The following TP53BP2 variants were observed in gnomAD, a reference collection of about 807,000 sequenced individuals.
The protein encoded by TP53BP2 is tumor protein p53 binding protein 2.
TP53BP2 carries 62 observed loss-of-function variants against 126.2 expected under a neutral mutation model. The ratio of observed to expected loss-of-function variants is 0.49; its 90% CI spans 0.40 to 0.61. The LOEUF (loss-of-function observed/expected upper bound fraction) is 0.61, where lower values mean the gene tolerates loss of function less well. TP53BP2 is among the 20% of genes least tolerant of loss of function. TP53BP2 has a pLI of 0.00. For synonymous variants in TP53BP2, 485 were observed against 502.9 expected (o/e 0.96, Z 0.48); for missense variants, 1,215 against 1,402.8 (o/e 0.87, Z 2.14).
intron 15 of TP53BP2, among the ~76,000 whole-genome samples, chr1:223,790,728 C>G (rs1225273574): frequency 6.6e-6 from 1 of 151,698 alleles, no homozygotes; most frequent in African/African-American, 2.4e-5. Flanking sequence ...CTCAGCCTCC[C>G]CGGTAGCTGG....
intron 13 of TP53BP2, among the ~76,000 whole-genome samples, chr1:223,794,669 A>G (rs948331242): frequency 1.5e-4 from 23 of 152,254 alleles, no homozygotes; most frequent in African/African-American, 5.3e-4. Flanking sequence ...GTTTTGGCCA[A>G]TGTGGAATAA....
chr1:223,798,080 AAAG>A, intron 12 of TP53BP2, 132 bp downstream of exon 12: 1 of 821,208 alleles, frequency 1.2e-6, no homozygotes, highest in Non-Finnish European at 1.9e-6. Context: ...AACTCCCAGT[AAAG>A]AACAGAAGCC....
At chr1:223,829,326 T>G (rs1663615217) in intron 1 of TP53BP2, among the ~76,000 whole-genome samples, 1 of 152,122 alleles carries the variant, frequency 6.6e-6, no homozygotes, top group South Asian at 2.1e-4. Flanking sequence ...ATATATATTT[T>G]TATATGTTTA....
At chr1:223,799,764 G>T in intron 11 of TP53BP2, 135 bp downstream of exon 11, 1 of 783,894 alleles carries the variant, frequency 1.3e-6, no homozygotes, top group Non-Finnish European at 1.8e-6. Flanking sequence ...TAAAATAACA[G>T]AATGCTAATG....
Position 223,814,235 on chromosome 1 carries a change from C to T in TP53BP2, c.289+5G>A, listed in dbSNP as rs1663007779. 4 of 1,607,116 alleles carry T rather than the reference C, an allele frequency of 2.5e-6. No individual in the cohort carries two copies. The highest frequency in any genetic ancestry group is 1.1e-5 in the South Asian group (1 of 90,916). ...ATCTGTCACGATTCACAGAGCACTA[C>T]CTACCAATGTCCCTGCCAGGGGGGC... On this transcript the variant is annotated splice_donor_5th_base_variant and intron_variant, in intron 3 of 17. Coordinates refer to ENST00000343537, the MANE Select transcript of TP53BP2 (RefSeq NM_001031685.3).
At chr1:223,780,924 C>A in intron 17 of TP53BP2, 30 bp from the exon 18 acceptor site, 3 of 1,595,980 alleles carry the variant, frequency 1.9e-6, no homozygotes, top group Non-Finnish European at 2.6e-6. Context: ...ATTTTACATA[C>A]TATAATAGAT....
chr1:223,786,581 C>CGTGT (rs61533251), intron 16 of TP53BP2, among the ~76,000 whole-genome samples: 4,957 of 144,514 alleles, frequency 0.034, 172 homozygotes, highest in African/African-American at 0.086. Flanking sequence ...TGCGTGTGTG[C>CGTGT]GTGTGTGTGT....
At position 223,792,423 on chromosome 1, in the gene TP53BP2, CA is replaced by C. The variant is rs756123892; in HGVS notation, c.2961del (p.Phe987LeufsTer3). On this transcript the variant is annotated frameshift_variant, in exon 15 of 18. Coordinates refer to ENST00000343537, the MANE Select transcript of TP53BP2 (RefSeq NM_001031685.3). LOFTEE classifies it high-confidence loss of function. ...CTATCAGCAGCATTTACATTTACAC[CA>C]AACTGTACCAGGAACTTAACGATTT... Reference protein sequence around the residue: ...HTEIVKFLVQFGVNVNAADSD... With the variant: ...HTEIVKFLVQXGVNVNAADSD... 3 of 1,612,872 alleles carry C rather than the reference CA, an allele frequency of 1.9e-6. No homozygotes were observed. In the South Asian group the frequency reaches 3.3e-5, roughly 18 times the overall value.
At chr1:223,797,543 G>C (rs1427174096) in intron 12 of TP53BP2, among the ~76,000 whole-genome samples, 1 of 151,980 alleles carries the variant, frequency 6.6e-6, no homozygotes, top group Non-Finnish European at 1.5e-5. Context: ...CTCCTGAGTA[G>C]CTGGGATTAC....
chr1:223,813,243 G>A (rs948538973), intron 3 of TP53BP2, among the ~76,000 whole-genome samples: 10 of 151,942 alleles, frequency 6.6e-5, no homozygotes, highest in Non-Finnish European at 8.8e-5. Flanking sequence ...TGACATTACC[G>A]CCCAAATGCT....
intron 5 of TP53BP2, 135 bp from the exon 6 acceptor site, chr1:223,804,483 A>G (rs1330556605): frequency 2.7e-6 from 2 of 746,264 alleles, no homozygotes; most frequent in Non-Finnish European, 4.4e-6. Context: ...CCTTCTTCCT[A>G]AACACTGCCA....
chr1:223,837,416 T>C (rs543449766), intron 1 of TP53BP2, among the ~76,000 whole-genome samples: 2 of 152,230 alleles, frequency 1.3e-5, no homozygotes, highest in South Asian at 2.1e-4. Flanking sequence ...TTTAGCCCCA[T>C]AGGAAGGAGC....
At chr1:223,832,678 A>C (rs1189733442) in intron 1 of TP53BP2, among the ~76,000 whole-genome samples, 1 of 152,200 alleles carries the variant, frequency 6.6e-6, no homozygotes, top group Non-Finnish European at 1.5e-5. Flanking sequence ...TTTAGGAAGG[A>C]GATGCCGACC....
chr1:223,792,584 ACTGG>A (rs1662189611), intron 14 of TP53BP2, 62 bp from the exon 15 acceptor site: 9 of 1,580,004 alleles, frequency 5.7e-6, no homozygotes, highest in Non-Finnish European at 7.8e-6. Context: ...GTCACTACTA[ACTGG>A]CTCCTTTAGG....
intron 1 of TP53BP2, among the ~76,000 whole-genome samples, chr1:223,825,181 GT>G (rs1663451066): frequency 6.6e-6 from 1 of 151,972 alleles, no homozygotes; most frequent in Non-Finnish European, 1.5e-5. Context: ...ACAGTCAAAG[GT>G]TTTGTCTTTG....
At chr1:223,807,671 T>C (rs1662771001) in intron 4 of TP53BP2, among the ~76,000 whole-genome samples, 1 of 151,942 alleles carries the variant, frequency 6.6e-6, no homozygotes, top group Non-Finnish European at 1.5e-5. Flanking sequence ...TAGAAACAAT[T>C]AGAAATTTAA....
In TP53BP2 at chr1:223,798,564, G is replaced by A. The variant is rs141114880; in HGVS notation, c.1599C>T (p.Asp533=). 5,676 of 1,614,128 alleles carry A rather than the reference G, an allele frequency of 3.5e-3. 36 individuals are homozygous for A. The highest frequency in any genetic ancestry group is 3.0e-3 in the Non-Finnish European group (3,565 of 1,180,008). The change falls in exon 12 of 18, where the codon GAC becomes GAT. Residue 533 remains aspartate (D), a synonymous_variant. Coordinates refer to ENST00000343537, the MANE Select transcript of TP53BP2 (RefSeq NM_001031685.3). ...CTGTTGACAACTGCTGAGAACTTCC[G>A]TCTGGCTTAATGTCTGAAGGTGGCT... ...TNQPPSDIKP[D]GSSQQLSTVV...
In TP53BP2 at chr1:223,839,012, CT is replaced by C. The variant is rs75469632; in HGVS notation, c.27+6641del. Reference sequence around the variant, plus strand: ...TAAGGGACGATGTCTCCATTTTTTTCTTTTTTTTTTTTTTCCATTTTTCCTT... The same window carrying C: ...TAAGGGACGATGTCTCCATTTTTTTCTTTTTTTTTTTTTCCATTTTTCCTT... On this transcript the variant is annotated intron_variant, in intron 1 of 17. Transcript: ENST00000343537. Among the ~76,000 whole-genome samples, 938 of 140,598 alleles carry C rather than the reference CT, an allele frequency of 6.7e-3. 6 individuals are homozygous for C. The highest frequency in any genetic ancestry group is 0.012 in the African/African-American group (466 of 38,696). 92.2% of individuals were successfully genotyped at this position (140,598 alleles called of 152,430 possible). A position where few individuals can be genotyped will look rare whatever the true frequency, so the allele number is the denominator to read the frequency against.
chr1:223,797,941 C>T (rs1662389852), intron 12 of TP53BP2, among the ~76,000 whole-genome samples: 1 of 152,142 alleles, frequency 6.6e-6, no homozygotes, highest in African/African-American at 2.4e-5. Context: ...TCCTTCTGCA[C>T]TGTAATGACC....
Sources: allele counts gnomAD v4.1 joint callset (sites outside exome capture counted in the v4.1 genomes callset), GRCh38; gene constraint gnomAD v4.1.1; transcripts MANE v1.5; gene names NCBI Gene and HGNC (gene_info 2026-07-23, HGNC 2026-07-21).